Variants in AGAP1 observed in about 807,000 individuals in gnomAD.
AGAP1 encodes arf-GAP with GTPase, ANK repeat and PH domain-containing protein 1.
AGAP1 carries 29 observed loss-of-function variants against 105.3 expected under a neutral mutation model. The ratio of observed to expected loss-of-function variants is 0.28; its 90% CI spans 0.21 to 0.38. The LOEUF is 0.38. Ranked by LOEUF, AGAP1 falls within the 10% of genes least tolerant of loss-of-function variation. AGAP1 has a pLI of 1.00. For synonymous variants in AGAP1, 509 were observed against 485.9 expected (o/e 1.05, Z -0.63); for missense variants, 998 against 1,165.1 (o/e 0.86, Z 2.09).
Position 235,736,618 on chromosome 2 carries a change from G to A in AGAP1, c.311-4345G>A, listed in dbSNP as rs1029442544. On this transcript the variant is annotated intron_variant, in intron 3 of 17. Coordinates refer to ENST00000304032, the MANE Select transcript of AGAP1 (RefSeq NM_001037131.3). The surrounding 1 kb of genome is among the most constrained non-coding windows in gnomAD (Gnocchi z 5.5). ...TGGAAAAAAGATCTCCCTTTGGGAG[G>A]CTGAGGCAGGTAGACCGCTTGAGCC... Among the ~76,000 whole-genome samples, 3 of 152,150 alleles carry A rather than the reference G, an allele frequency of 2.0e-5. No individual in the cohort carries two copies. The highest frequency in any genetic ancestry group is 4.4e-5 in the Non-Finnish European group (3 of 68,032).
intron 16 of AGAP1, among the ~76,000 whole-genome samples, chr2:236,071,179 G>T (rs2058485662): frequency 6.6e-6 from 1 of 152,234 alleles, no homozygotes; most frequent in Non-Finnish European, 1.5e-5. Context: ...AGTGGCCTTA[G>T]CCCCGAATAA....
At chr2:235,918,009 C>T (rs1040666706) in intron 11 of AGAP1, among the ~76,000 whole-genome samples, 38 of 152,328 alleles carry the variant, frequency 2.5e-4, no homozygotes, top group East Asian at 1.5e-3. Flanking sequence ...TAGTTTCAAA[C>T]GGTCTAGAAA....
In AGAP1 at chr2:235,600,876, G is replaced by A. The variant is rs1011123558; in HGVS notation, c.163+106027G>A. Among the ~76,000 whole-genome samples, 38 of 152,192 alleles carry A rather than the reference G, an allele frequency of 2.5e-4. No homozygotes were observed. The highest frequency in any genetic ancestry group is 5.3e-4 in the Non-Finnish European group (36 of 68,032). ...ACTTTGCATCTTTCAATCCAGTCAG[G>A]TTGACACTCAGTATTAACCAGCATA... On this transcript the variant is annotated intron_variant, in intron 1 of 17. Transcript: ENST00000304032. The surrounding 1 kb of genome is among the most constrained non-coding windows in gnomAD (Gnocchi z 4.8).
intron 13 of AGAP1, among the ~76,000 whole-genome samples, chr2:236,022,419 T>A (rs1197609563): frequency 6.6e-6 from 1 of 152,202 alleles, no homozygotes; most frequent in Non-Finnish European, 1.5e-5. Context: ...TGCGTGTGTT[T>A]ATAATGATCT....
chr2:235,679,191 G>C (rs540848449), intron 1 of AGAP1, among the ~76,000 whole-genome samples: 77 of 152,326 alleles, frequency 5.1e-4, no homozygotes, highest in Admixed American at 7.8e-4. Flanking sequence ...ATTCTGCCTA[G>C]TTATCTACAT....
intron 10 of AGAP1, among the ~76,000 whole-genome samples, chr2:235,892,476 T>C (rs1487785888): frequency 2.0e-5 from 3 of 151,994 alleles, no homozygotes; most frequent in Non-Finnish European, 4.4e-5. Flanking sequence ...AGAAAGTTTC[T>C]AGTTTCAAAA....
In AGAP1 at chr2:235,960,856, A is replaced by C. The variant is rs1244967999; in HGVS notation, c.1484-7606A>C. Among the ~76,000 whole-genome samples, 1 of 152,204 alleles carries C rather than the reference A, an allele frequency of 6.6e-6. No individual in the cohort carries two copies. The highest frequency in any genetic ancestry group is 2.4e-5 in the African/African-American group (1 of 41,454). The stretch of plus-strand genomic sequence containing the variant: ...AGTCGTTCGCCTAAAAATAGATTCC[A>C]AATGGTTGGAAACTCATAGGACAGT... On this transcript the variant is annotated intron_variant, in intron 12 of 17. Coordinates refer to ENST00000304032, the MANE Select transcript of AGAP1 (RefSeq NM_001037131.3). The surrounding 1 kb of genome is among the most constrained non-coding windows in gnomAD (Gnocchi z 4.9).
intron 16 of AGAP1, among the ~76,000 whole-genome samples, chr2:236,086,801 A>ATTTC (rs913438766): frequency 6.6e-5 from 10 of 151,898 alleles, no homozygotes; most frequent in African/African-American, 2.4e-4. Flanking sequence ...CATCGGCCTT[A>ATTTC]TTTCTTTCTT....
At chr2:235,805,642 G>A (rs1334605361) in intron 8 of AGAP1, among the ~76,000 whole-genome samples, 2 of 152,146 alleles carry the variant, frequency 1.3e-5, no homozygotes, top group Non-Finnish European at 2.9e-5. Context: ...CAACTGTGAT[G>A]TGGAGAAAAG....
chr2:235,644,896 CTTTT>C (rs74548435), intron 1 of AGAP1, among the ~76,000 whole-genome samples: 2 of 143,852 alleles, frequency 1.4e-5, no homozygotes, highest in African/African-American at 5.1e-5. Context: ...AGGTGTAAGA[CTTTT>C]TTTTTTTTTT....
At position 235,842,876 on chromosome 2, in the gene AGAP1, T is replaced by C. The variant is rs1961026514; in HGVS notation, c.1050+35545T>C. On this transcript the variant is annotated intron_variant, in intron 9 of 17. Coordinates refer to ENST00000304032, the MANE Select transcript of AGAP1 (RefSeq NM_001037131.3). The surrounding 1 kb of genome is among the most constrained non-coding windows in gnomAD (Gnocchi z 5.3). ...CCGACTAGCTGGGATTATAGGCATGTGCCACCATGCCCAGCTAATTTTGTA... is the reference window on the plus strand; with the variant it reads ...CCGACTAGCTGGGATTATAGGCATGCGCCACCATGCCCAGCTAATTTTGTA... Among the ~76,000 whole-genome samples, 1 of 152,144 alleles carries C rather than the reference T, an allele frequency of 6.6e-6. No individual in the cohort carries two copies. The highest frequency in any genetic ancestry group is 1.5e-5 in the Non-Finnish European group (1 of 68,030).
At position 236,119,553 on chromosome 2, in the gene AGAP1, G is replaced by T. The variant is rs1347663059; in HGVS notation, c.2115-639G>T. Among the ~76,000 whole-genome samples the T allele has an allele frequency of 6.6e-6, 1 of 152,114 alleles. No individual in the cohort carries two copies. The highest frequency in any genetic ancestry group is 2.4e-5 in the African/African-American group (1 of 41,430). ...AAGCACATGGTCACCCCCAGGTGTG[G>T]GGAGCGCACCGGCTGTCCCTTCCCC... is the stretch of plus-strand genomic sequence containing the variant. On this transcript the variant is annotated intron_variant, in intron 16 of 17. Transcript: ENST00000304032. The surrounding 1 kb of genome is among the most constrained non-coding windows in gnomAD (Gnocchi z 6.6).
chr2:235,541,004 T>G (rs1943416126), intron 1 of AGAP1, among the ~76,000 whole-genome samples: 1 of 152,190 alleles, frequency 6.6e-6, no homozygotes, highest in Non-Finnish European at 1.5e-5. Flanking sequence ...ACAAGTAATA[T>G]TTGCTTATAG....
chr2:236,049,897 T>G (rs979524696), intron 16 of AGAP1: 3 of 152,382 alleles, frequency 2.0e-5, no homozygotes, highest in Non-Finnish European at 4.4e-5. Flanking sequence ...TGAGTACACA[T>G]GCATATTTAA....
intron 16 of AGAP1, among the ~76,000 whole-genome samples, chr2:236,064,143 A>G (rs1183897131): frequency 6.6e-6 from 1 of 152,136 alleles, no homozygotes; most frequent in African/African-American, 2.4e-5. Context: ...CCTATAATTA[A>G]CCCAGTGACT....
rs377427468 is a variant in AGAP1, at chr2:236,019,461, G to C, written c.1646-17100G>C. Among the ~76,000 whole-genome samples, 38 of 152,324 alleles carry C rather than the reference G, an allele frequency of 2.5e-4. No homozygotes were observed. The East Asian group carries it at 5.2e-3, about 21-fold the overall frequency. On this transcript the variant is annotated intron_variant, in intron 13 of 17. Transcript: ENST00000304032. ...GGATGTGACAGGAACCACAGTGACCGCATCCTCAGTGCTGAGAAATTTCCA... is the reference window on the plus strand; with the variant it reads ...GGATGTGACAGGAACCACAGTGACCCCATCCTCAGTGCTGAGAAATTTCCA...
rs1444576010 is a variant in AGAP1 at position 236,020,414 on chromosome 2, T to C, written c.1646-16147T>C. Among the ~76,000 whole-genome samples, 1 of 152,228 alleles carries C rather than the reference T, an allele frequency of 6.6e-6. No individual in the cohort carries two copies. The highest frequency in any genetic ancestry group is 1.5e-5 in the Non-Finnish European group (1 of 68,038). ...ATGAAACTTAACCTGTTATCTAGAC[T>C]TTTAAACCTACCCTCCTGCTTCCAT... On this transcript the variant is annotated intron_variant, in intron 13 of 17. Transcript: ENST00000304032. This position sits in a 1 kb window ranked among gnomAD's most constrained non-coding sequence, Gnocchi z 5.0.
chr2:235,709,307 C>T (rs979646031), intron 2 of AGAP1, 70 bp downstream of exon 2: 1 of 1,529,940 alleles, frequency 6.5e-7, no homozygotes, highest in African/African-American at 1.4e-5. Flanking sequence ...AGCCTGCATT[C>T]CCAGGCAACT....
rs146631198 is a variant in AGAP1 at position 235,967,726 on chromosome 2, G to A, written c.1484-736G>A. On this transcript the variant is annotated intron_variant, in intron 12 of 17. Coordinates refer to ENST00000304032, the MANE Select transcript of AGAP1 (RefSeq NM_001037131.3). This position sits in a 1 kb window ranked among gnomAD's most constrained non-coding sequence, Gnocchi z 4.7. ...TTTCCACCCGGCTTGAATTATATGC[G>A]CGTTCTGGTCATGTAGTACCGCTTT... Among the ~76,000 whole-genome samples, 845 of 152,244 alleles carry A rather than the reference G, an allele frequency of 5.6e-3. 13 individuals carry two copies. Among genetic ancestry groups the A allele is most frequent in the African/African-American group, 0.018 (765 of 41,536 alleles).
Sources: allele counts gnomAD v4.1 joint callset (sites outside exome capture counted in the v4.1 genomes callset), GRCh38; gene constraint gnomAD v4.1.1; non-coding constraint Gnocchi (gnomAD v3.1); transcripts MANE v1.5; gene names NCBI Gene and HGNC (gene_info 2026-07-23, HGNC 2026-07-21).